RBFOX1: variants seen among roughly 807,000 people sequenced by gnomAD.
RBFOX1 encodes RNA binding fox-1 homolog 1.
In RBFOX1, 8 loss-of-function variants were observed where a neutral mutation model predicts 57.7. The observed-to-expected ratio is 0.14, with a 90% confidence interval of 0.08 to 0.25. The LOEUF is 0.25. Among genes scored for constraint, RBFOX1 ranks in the 10% least tolerant of loss-of-function variants. The pLI is 1.00. For missense variants in RBFOX1, 611 were observed against 548.5 expected, an observed-to-expected ratio of 1.11 and a Z score of -1.14; for synonymous variants, 326 against 222.4, an observed-to-expected ratio of 1.47 and a Z score of -4.15.
intron 1 of RBFOX1, among the ~76,000 whole-genome samples, chr16:6,129,928 G>C (rs1052500546): frequency 6.6e-6 from 1 of 152,036 alleles, no homozygotes; most frequent in Non-Finnish European, 1.5e-5. Flanking sequence ...ACACAGAATT[G>C]TATGACTGGC....
chr16:6,413,030 A>G (rs528000271), intron 2 of RBFOX1, among the ~76,000 whole-genome samples: 1 of 152,332 alleles, frequency 6.6e-6, no homozygotes, highest in South Asian at 2.1e-4. Context: ...TTTTTAAAAA[A>G]AATTTTTGGC....
chr16:7,120,731 A>G (rs1179569771), intron 4 of RBFOX1, among the ~76,000 whole-genome samples: 1 of 150,524 alleles, frequency 6.6e-6, no homozygotes, highest in Non-Finnish European at 1.5e-5. Flanking sequence ...CTCTTACAGA[A>G]AATAGAAGTG....
chr16:7,710,004 G>A (rs1014139414), intron 15 of RBFOX1: 17 of 1,008,346 alleles, frequency 1.7e-5, no homozygotes, highest in African/African-American at 1.4e-4. Flanking sequence ...ATCGTTAAGT[G>A]CCACCTTGTA....
chr16:7,671,814 T>C (rs569725120), intron 13 of RBFOX1, among the ~76,000 whole-genome samples: 46 of 152,354 alleles, frequency 3.0e-4, no homozygotes, highest in African/African-American at 1.1e-3. Flanking sequence ...TGTGGCAGTT[T>C]CTTCCAAATA....
At chr16:6,082,843 A>G (rs140925376) in intron 1 of RBFOX1, among the ~76,000 whole-genome samples, 2 of 152,048 alleles carry the variant, frequency 1.3e-5, no homozygotes, top group Admixed American at 1.3e-4. Flanking sequence ...ATGCACTTGG[A>G]CCCAATAGCC....
At chr16:6,014,876 G>C (rs2094983825), upstream of RBFOX1, among the ~76,000 whole-genome samples, 1 of 147,570 alleles carries the variant, frequency 6.8e-6, no homozygotes, top group African/African-American at 2.5e-5. Context: ...TTTTTTCTGA[G>C]ACCAAGTCTC....
chr16:6,760,706 A>G (rs1387004597), intron 3 of RBFOX1, among the ~76,000 whole-genome samples: 1 of 152,220 alleles, frequency 6.6e-6, no homozygotes, highest in African/African-American at 2.4e-5. Context: ...TATTTAGGTT[A>G]TAAAAATAAG....
At chr16:5,903,152 C>G (rs1393589757) in intron 4 of RBFOX1, among the ~76,000 whole-genome samples, 2 of 151,970 alleles carry the variant, frequency 1.3e-5, no homozygotes, top group African/African-American at 2.4e-5. Context: ...GTATGCATGT[C>G]TGTATGGGAA....
chr16:5,374,530 A>C (rs1052716545), intron 1 of RBFOX1, among the ~76,000 whole-genome samples: 1 of 152,166 alleles, frequency 6.6e-6, no homozygotes, highest in African/African-American at 2.4e-5. Context: ...TGGAAGAATC[A>C]CAGGGAGTGG....
At chr16:7,621,574 G>GT (rs2059327514) in intron 10 of RBFOX1, among the ~76,000 whole-genome samples, 1 of 152,020 alleles carries the variant, frequency 6.6e-6, no homozygotes, top group South Asian at 2.1e-4. Context: ...TTGTTTTATT[G>GT]TTTTGAAAAA....
intron 3 of RBFOX1, among the ~76,000 whole-genome samples, chr16:6,893,592 C>T (rs1338848327): frequency 6.6e-6 from 1 of 152,170 alleles, no homozygotes; most frequent in African/African-American, 2.4e-5. Flanking sequence ...CAAAGAATCT[C>T]CTCTCCAGTT....
chr16:6,132,789 C>A (rs879339944), intron 1 of RBFOX1, among the ~76,000 whole-genome samples: 1 of 151,968 alleles, frequency 6.6e-6, no homozygotes, highest in Non-Finnish European at 1.5e-5. Flanking sequence ...GAGTTCAAGA[C>A]CAGCCTGGCC....
chr16:6,229,976 TC>T (rs1463116434), intron 1 of RBFOX1, among the ~76,000 whole-genome samples: 2 of 152,176 alleles, frequency 1.3e-5, no homozygotes, highest in Non-Finnish European at 2.9e-5. Context: ...TTTTGTGCAT[TC>T]AGTACACAAA....
At chr16:7,698,312 G>T (rs986409081) in intron 14 of RBFOX1, among the ~76,000 whole-genome samples, 4 of 151,896 alleles carry the variant, frequency 2.6e-5, no homozygotes, top group African/African-American at 7.3e-5. Flanking sequence ...CAAATCTGGG[G>T]ACATGTTTTC....
At position 5,547,991 on chromosome 16, in the gene RBFOX1, C is replaced by G. The variant is rs140196445; in HGVS notation, c.259-50911C>G. On this transcript the variant is annotated intron_variant, in intron 2 of 2. Transcript: ENST00000585867. ...CCTGGCCAACATGGTGAAACCCTGT[C>G]TCTACTAAAAATAAAAAAAATTAAC... Among the ~76,000 whole-genome samples the G allele has an allele frequency of 9.8e-3, 1,487 of 151,392 alleles. 11 individuals carry two copies. Among genetic ancestry groups the G allele is most frequent in the Middle Eastern group, 0.045 (13 of 292 alleles).
At chr16:6,158,112 A>G (rs1250589363) in intron 1 of RBFOX1, among the ~76,000 whole-genome samples, 2 of 152,196 alleles carry the variant, frequency 1.3e-5, no homozygotes, top group Admixed American at 1.3e-4. Flanking sequence ...ACGCTTTTAC[A>G]AAATGAAAGT....
At chr16:6,825,718 G>C (rs1472602574) in intron 3 of RBFOX1, among the ~76,000 whole-genome samples, 1 of 152,140 alleles carries the variant, frequency 6.6e-6, no homozygotes, top group Non-Finnish European at 1.5e-5. Context: ...AAGAGGAAAG[G>C]GAGGGAGGCA....
At chr16:7,215,811 G>A (rs1222128080) in intron 4 of RBFOX1, among the ~76,000 whole-genome samples, 1 of 147,180 alleles carries the variant, frequency 6.8e-6, no homozygotes, top group South Asian at 2.1e-4. Flanking sequence ...TGCAAGCTCT[G>A]CCTCTCGGGT....
rs565248640 is a variant in RBFOX1 at position 6,512,283 on chromosome 16, C to CAAAAAAAAAAAAAAAAAAAAAAAAAA, written c.-63-142304_-63-142303insAAAAAAAAAAAAAAAAAAAAAAAAAA. Reference sequence around the variant, plus strand: ...TGGGTAACAGAGCAAGACCCTGTATCAAAAAAAAAAAAAAAAGGTAAGAGA... The same window carrying CAAAAAAAAAAAAAAAAAAAAAAAAAA: ...TGGGTAACAGAGCAAGACCCTGTATCAAAAAAAAAAAAAAAAAAAAAAAAAAAAAAAAAAAAAAAAAAGGTAAGAGA... On this transcript the variant is annotated intron_variant, in intron 2 of 15. Coordinates refer to ENST00000550418, the MANE Select transcript of RBFOX1 (RefSeq NM_018723.4). 2.8e-3 allele frequency among the ~76,000 whole-genome samples: 244 copies of CAAAAAAAAAAAAAAAAAAAAAAAAAA among 86,750 alleles called. 6 individuals are homozygous for CAAAAAAAAAAAAAAAAAAAAAAAAAA. The highest frequency in any genetic ancestry group is 3.6e-3 in the Non-Finnish European group (174 of 47,886). The allele number at this position is 86,750 out of a possible 152,430, so 56.9% of individuals were successfully genotyped here.
Sources: allele counts gnomAD v4.1 joint callset (sites outside exome capture counted in the v4.1 genomes callset), GRCh38; gene constraint gnomAD v4.1.1; transcripts MANE v1.5; gene names NCBI Gene and HGNC (gene_info 2026-07-23, HGNC 2026-07-21).